The following LRRFIP2 variants were observed in gnomAD, a reference collection of about 807,000 sequenced individuals.
LRRFIP2 encodes the protein LRR binding FLII interacting protein 2, also known as leucine-rich repeat flightless-interacting protein 2.
Under a neutral mutation model 125.9 loss-of-function variants are expected in LRRFIP2, and 109 were observed. The observed-to-expected ratio is 0.87, with a 90% CI of 0.74 to 1.01. LRRFIP2 has a LOEUF of 1.01. Among genes scored for constraint, LRRFIP2 ranks in the 50% least tolerant of loss-of-function variants. LRRFIP2 has a pLI of 0.00. For missense variants in LRRFIP2, 850 were observed against 862.3 expected (o/e 0.99, Z 0.18); for synonymous variants, 291 against 293.1 (o/e 0.99, Z 0.07).
At chr3:37,066,085 T>TA in intron 22 of LRRFIP2, 139 bp downstream of exon 22, 1 of 1,332,214 alleles carries the variant, frequency 7.5e-7, no homozygotes, top group Non-Finnish European at 1.1e-6. Context: ...GTGTAAGAAA[T>TA]AGCTTCAACC....
intron 18 of LRRFIP2, among the ~76,000 whole-genome samples, chr3:37,091,250 A>G (rs1047098527): frequency 1.3e-5 from 2 of 152,114 alleles, no homozygotes; most frequent in African/African-American, 2.4e-5. Flanking sequence ...ACTGTAAATG[A>G]TATCTTCTGC....
intron 19 of LRRFIP2, among the ~76,000 whole-genome samples, chr3:37,080,460 A>T (rs902206976): frequency 1.3e-5 from 2 of 152,042 alleles, no homozygotes; most frequent in Non-Finnish European, 2.9e-5. Context: ...TAAATTGGTA[A>T]TGATAAAATC....
chr3:37,152,426 A>T (rs1406960839), intron 1 of LRRFIP2, among the ~76,000 whole-genome samples: 1 of 152,034 alleles, frequency 6.6e-6, no homozygotes, highest in Non-Finnish European at 1.5e-5. Flanking sequence ...AACCATCTGT[A>T]CTCCAAAAAC....
At chr3:37,066,451 A>G in intron 21 of LRRFIP2, 126 bp from the exon 22 acceptor site, 1 of 742,958 alleles carries the variant, frequency 1.3e-6, no homozygotes. Context: ...CAGTCAAAAG[A>G]TTGGAAACAA....
At chr3:37,153,191 G>A (rs1490924314) in intron 1 of LRRFIP2, among the ~76,000 whole-genome samples, 1 of 152,052 alleles carries the variant, frequency 6.6e-6, no homozygotes, top group African/African-American at 2.4e-5. Flanking sequence ...GAGCATAGGA[G>A]TTTGAGACCA....
intron 1 of LRRFIP2, among the ~76,000 whole-genome samples, chr3:37,163,789 G>C (rs943177927): frequency 6.6e-6 from 1 of 152,188 alleles, no homozygotes; most frequent in Non-Finnish European, 1.5e-5. Flanking sequence ...TTGCAGGCTT[G>C]AGCAGAGAAT....
intron 18 of LRRFIP2, among the ~76,000 whole-genome samples, chr3:37,084,299 G>T (rs1014011827): frequency 6.6e-6 from 1 of 152,002 alleles, no homozygotes; most frequent in South Asian, 2.1e-4. Context: ...CAACATAAAG[G>T]TAAATATTTT....
In LRRFIP2 at chr3:37,101,879, A is replaced by C. The variant is rs1466425206; in HGVS notation, c.873+1045T>G. Among the ~76,000 whole-genome samples, 4 of 152,140 alleles carry C rather than the reference A, an allele frequency of 2.6e-5. No individual in the cohort carries two copies. The East Asian group carries it at 5.8e-4, about 22-fold the overall frequency. ...GATCCTAAGTTGTTGGCTGGAGTTC[A>C]TTCATTAAGACAAATGCCCCAAGGA... On this transcript the variant is annotated intron_variant, in intron 15 of 27. Coordinates refer to ENST00000336686, the MANE Select transcript of LRRFIP2 (RefSeq NM_006309.4).
intron 1 of LRRFIP2, among the ~76,000 whole-genome samples, chr3:37,153,935 T>C (rs146896679): frequency 3.5e-4 from 53 of 151,900 alleles, no homozygotes; most frequent in African/African-American, 1.3e-3. Context: ...ACTGTATTAT[T>C]TGGACCCTGT....
intron 18 of LRRFIP2, among the ~76,000 whole-genome samples, chr3:37,087,933 A>T (rs565231411): frequency 2.6e-5 from 4 of 152,280 alleles, no homozygotes; most frequent in Non-Finnish European, 5.9e-5. Flanking sequence ...TGGGTTCCAG[A>T]TCAGCAGCAA....
At chr3:37,170,696 T>G (rs1578126528) in intron 1 of LRRFIP2, 1 of 129,914 alleles carries the variant, frequency 7.7e-6, no homozygotes, top group Non-Finnish European at 1.9e-5. Flanking sequence ...TTTGACCGAT[T>G]CTTGGCAAAC....
chr3:37,144,855 G>A, intron 2 of LRRFIP2, among the ~76,000 whole-genome samples: 1 of 152,164 alleles, frequency 6.6e-6, no homozygotes, highest in African/African-American at 2.4e-5. Context: ...GGCCTTTACA[G>A]ACTATGCTTT....
chr3:37,080,374 CA>C (rs2092529323), intron 19 of LRRFIP2, among the ~76,000 whole-genome samples: 1 of 151,302 alleles, frequency 6.6e-6, no homozygotes, highest in South Asian at 2.1e-4. Flanking sequence ...CCACCCTGGG[CA>C]ACAAGAGCAA....
At chr3:37,121,840 TCG>T in intron 4 of LRRFIP2, 149 bp from the exon 5 acceptor site, 2 of 602,570 alleles carry the variant, frequency 3.3e-6, no homozygotes, top group Non-Finnish European at 2.9e-6. Flanking sequence ...GCAGCCACAT[TCG>T]TGTGTGTGTG....
chr3:37,055,585 A>G (rs2086608337), intron 25 of LRRFIP2, among the ~76,000 whole-genome samples: 1 of 152,138 alleles, frequency 6.6e-6, no homozygotes, highest in Admixed American at 6.5e-5. Context: ...AAAAATTACA[A>G]AATACAAATG....
intron 1 of LRRFIP2, among the ~76,000 whole-genome samples, chr3:37,159,570 G>A (rs1458921363): frequency 4.0e-5 from 6 of 151,878 alleles, no homozygotes; most frequent in Non-Finnish European, 8.8e-5. Flanking sequence ...GCAGTGGTGC[G>A]ATCTCAGCTC....
At chr3:37,140,965 A>G (rs145577410) in intron 2 of LRRFIP2, among the ~76,000 whole-genome samples, 78 of 152,160 alleles carry the variant, frequency 5.1e-4, no homozygotes, top group South Asian at 1.0e-3. Flanking sequence ...TTTCACTAAG[A>G]TAACTACAAC....
At chr3:37,082,069 TC>T (rs971714170) in intron 19 of LRRFIP2, among the ~76,000 whole-genome samples, 11 of 152,242 alleles carry the variant, frequency 7.2e-5, no homozygotes, top group African/African-American at 2.4e-4. Flanking sequence ...GAAAGATAAT[TC>T]ATTTTAGTAA....
Position 37,135,457 on chromosome 3 carries a change from C to CA in LRRFIP2, c.91-6309dup, listed in dbSNP as rs368371557. 6.7e-3 allele frequency among the ~76,000 whole-genome samples: 524 copies of CA among 78,176 alleles called. 2 individuals are homozygous for CA. The East Asian group carries it at 0.069, about 10-fold the overall frequency. The allele number at this position is 78,176 out of a possible 152,430, so 51.3% of individuals were successfully genotyped here. ...TGGGCAACAGAGCAAGACTCAGTCTCAAAAAAAAAAAAAAAGAACTTCCAG... is the reference window on the plus strand; with the variant it reads ...TGGGCAACAGAGCAAGACTCAGTCTCAAAAAAAAAAAAAAAAGAACTTCCAG... On this transcript the variant is annotated intron_variant, in intron 2 of 27. Coordinates refer to ENST00000336686, the MANE Select transcript of LRRFIP2 (RefSeq NM_006309.4).
Sources: allele counts gnomAD v4.1 joint callset (sites outside exome capture counted in the v4.1 genomes callset), GRCh38; gene constraint gnomAD v4.1.1; transcripts MANE v1.5; gene names NCBI Gene and HGNC (gene_info 2026-07-23, HGNC 2026-07-21).